NRG3: variants seen among roughly 807,000 people sequenced by gnomAD.
NRG3 encodes pro-neuregulin-3, membrane-bound isoform.
NRG3 carries 31 observed loss-of-function variants against 66.9 expected under a neutral mutation model. That is an observed-to-expected ratio of 0.46 (90% confidence interval 0.35 to 0.63). The LOEUF is 0.63. Ranked by LOEUF, NRG3 falls within the 20% of genes least tolerant of loss-of-function variation. NRG3 has a pLI of 0.00. For missense variants in NRG3, 910 were observed against 878.9 expected (o/e 1.04, Z -0.45); for synonymous variants, 393 against 359.4 (o/e 1.09, Z -1.06).
At chr10:82,269,967 C>T (rs1016503409) in intron 1 of NRG3, among the ~76,000 whole-genome samples, 7 of 152,140 alleles carry the variant, frequency 4.6e-5, no homozygotes, top group African/African-American at 1.7e-4. Flanking sequence ...TGAAGTCTCT[C>T]TGATTCCTCT....
intron 2 of NRG3, among the ~76,000 whole-genome samples, chr10:82,593,708 C>T (rs1051218785): frequency 6.6e-6 from 1 of 151,832 alleles, no homozygotes; most frequent in Non-Finnish European, 1.5e-5. Flanking sequence ...AAATAGATAC[C>T]TACTTTTAAG....
intron 2 of NRG3, among the ~76,000 whole-genome samples, chr10:82,673,964 C>T (rs2053485186): frequency 6.6e-6 from 1 of 151,908 alleles, no homozygotes; most frequent in Non-Finnish European, 1.5e-5. Flanking sequence ...CAATAAAAGG[C>T]GGGTTTAGGA....
chr10:81,914,769 C>CAAAAAAAAAAAAAAAAAAAAAAAAAA (rs58460918), intron 1 of NRG3, among the ~76,000 whole-genome samples: 1 of 67,182 alleles, frequency 1.5e-5, no homozygotes, highest in Non-Finnish European at 3.2e-5. Context: ...AAACAGAAAG[C>CAAAAAAAAAAAAAAAAAAAAAAAAAA]AAAAAAAAAA....
chr10:81,932,247 G>GGAGAGAGAGA (rs141650195), intron 1 of NRG3, among the ~76,000 whole-genome samples: 4 of 149,550 alleles, frequency 2.7e-5, no homozygotes, highest in African/African-American at 9.9e-5. Flanking sequence ...AGGAGAGAGA[G>GGAGAGAGAGA]GAGAGAGAGA....
intron 1 of NRG3, among the ~76,000 whole-genome samples, chr10:82,031,757 T>G (rs1296918208): frequency 6.6e-6 from 1 of 152,132 alleles, no homozygotes; most frequent in Non-Finnish European, 1.5e-5. Flanking sequence ...CTTTAGTCCT[T>G]ATTAATTTCT....
At chr10:82,677,713 G>A (rs1036578818) in intron 2 of NRG3, among the ~76,000 whole-genome samples, 2 of 152,158 alleles carry the variant, frequency 1.3e-5, no homozygotes, top group African/African-American at 4.8e-5. Flanking sequence ...AAGGCAGAGT[G>A]AGAGACTGAG....
chr10:82,027,050 A>G (rs1221469596), intron 1 of NRG3, among the ~76,000 whole-genome samples: 1 of 152,094 alleles, frequency 6.6e-6, no homozygotes, highest in African/African-American at 2.4e-5. Flanking sequence ...TAGTTTTCAC[A>G]AGAATAAGTG....
chr10:82,933,503 C>T (rs142637546), intron 4 of NRG3, among the ~76,000 whole-genome samples: 207 of 152,294 alleles, frequency 1.4e-3, no homozygotes, highest in African/African-American at 4.8e-3. Flanking sequence ...TTCATTAACA[C>T]CTACCACACT....
chr10:81,954,838 A>AGG (rs1849674811), intron 1 of NRG3, among the ~76,000 whole-genome samples: 1 of 152,084 alleles, frequency 6.6e-6, no homozygotes, highest in Non-Finnish European at 1.5e-5. Flanking sequence ...CCTGTGTCAC[A>AGG]CCAGCCACTG....
intron 1 of NRG3, among the ~76,000 whole-genome samples, chr10:81,924,617 A>T (rs562339803): frequency 6.6e-6 from 1 of 152,194 alleles, no homozygotes; most frequent in Non-Finnish European, 1.5e-5. Flanking sequence ...GGCCATCAAC[A>T]TGTGAGGTAG....
intron 2 of NRG3, among the ~76,000 whole-genome samples, chr10:82,496,811 C>T (rs551613367): frequency 2.0e-5 from 3 of 152,248 alleles, no homozygotes; most frequent in Admixed American, 6.5e-5. Flanking sequence ...TTTTAGATTA[C>T]ATTCTTAGAA....
intron 1 of NRG3, among the ~76,000 whole-genome samples, chr10:82,233,441 T>G (rs1035517834): frequency 5.9e-5 from 9 of 152,168 alleles, no homozygotes; most frequent in Admixed American, 1.3e-4. Context: ...GTTAGAAAGA[T>G]TTTCTAAGAT....
intron 1 of NRG3, among the ~76,000 whole-genome samples, chr10:82,276,720 G>A (rs974134722): frequency 1.3e-5 from 2 of 152,118 alleles, no homozygotes; most frequent in African/African-American, 4.8e-5. Flanking sequence ...GGACAAATGT[G>A]TAATTCTTCT....
At chr10:82,054,231 G>A (rs1047318530) in intron 1 of NRG3, among the ~76,000 whole-genome samples, 4 of 152,174 alleles carry the variant, frequency 2.6e-5, no homozygotes, top group African/African-American at 9.7e-5. Flanking sequence ...AAGGCAGAAG[G>A]AGGGAGACCA....
chr10:82,032,229 A>G (rs1001897079), intron 1 of NRG3, among the ~76,000 whole-genome samples: 4 of 151,768 alleles, frequency 2.6e-5, no homozygotes, highest in African/African-American at 9.7e-5. Context: ...TTCATTTATT[A>G]TAAGACAATG....
intron 4 of NRG3, among the ~76,000 whole-genome samples, chr10:82,938,564 A>T (rs1056006113): frequency 6.6e-6 from 1 of 152,196 alleles, no homozygotes. Context: ...TAGATCTTCC[A>T]GGATCACTGC....
intron 1 of NRG3, among the ~76,000 whole-genome samples, chr10:81,940,273 C>T (rs1208744931): frequency 6.6e-6 from 1 of 152,022 alleles, no homozygotes; most frequent in African/African-American, 2.4e-5. Context: ...GTATATGTCT[C>T]TTGGGTCCAG....
chr10:81,934,012 A>G (rs1847633024), intron 1 of NRG3, among the ~76,000 whole-genome samples: 1 of 152,184 alleles, frequency 6.6e-6, no homozygotes, highest in Non-Finnish European at 1.5e-5. Context: ...CCATTTGGAT[A>G]TTGTTTAAAC....
intron 1 of NRG3, among the ~76,000 whole-genome samples, chr10:81,881,725 A>G (rs1270079428): frequency 2.0e-5 from 3 of 152,200 alleles, no homozygotes; most frequent in African/African-American, 7.2e-5. Context: ...TACAACATTC[A>G]GCCTCCCATG....
Sources: allele counts gnomAD v4.1 joint callset (sites outside exome capture counted in the v4.1 genomes callset), GRCh38; gene constraint gnomAD v4.1.1; transcripts MANE v1.5; gene names NCBI Gene and HGNC (gene_info 2026-07-23, HGNC 2026-07-21).